The following CTNNA3 variants were observed in gnomAD, a reference collection of about 807,000 sequenced individuals.
CTNNA3 encodes the protein catenin alpha-3.
A neutral mutation model predicts 95.7 loss-of-function variants in CTNNA3; 76 were observed. The ratio of observed to expected loss-of-function variants is 0.79; its 90% CI spans 0.66 to 0.96. The LOEUF (loss-of-function observed/expected upper bound fraction) is 0.96, where lower values mean the gene tolerates loss of function less well. Ranked by LOEUF, CTNNA3 falls within the 40% of genes least tolerant of loss-of-function variation. The pLI is 0.00. For missense variants in CTNNA3, 1,191 were observed against 1,089.8 expected (o/e 1.09, Z -1.31); for synonymous variants, 431 against 374.4 (o/e 1.15, Z -1.74).
At chr10:66,257,050 C>T (rs1247840013) in intron 13 of CTNNA3, among the ~76,000 whole-genome samples, 2 of 152,118 alleles carry the variant, frequency 1.3e-5, no homozygotes, top group African/African-American at 4.8e-5. Context: ...ATCTACCTAA[C>T]AAGGGAGTCC....
At chr10:66,383,609 C>T (rs1343903137) in intron 11 of CTNNA3, among the ~76,000 whole-genome samples, 1 of 152,142 alleles carries the variant, frequency 6.6e-6, no homozygotes, top group East Asian at 1.9e-4. Context: ...CACAAAGATA[C>T]TCCTTGACAA....
At chr10:66,456,423 T>A (rs961851752) in intron 11 of CTNNA3, among the ~76,000 whole-genome samples, 3 of 152,112 alleles carry the variant, frequency 2.0e-5, no homozygotes, top group African/African-American at 7.2e-5. Flanking sequence ...TTGCAACAAA[T>A]GATGTTGGAA....
At chr10:67,642,668 G>C (rs1478379924) in intron 2 of CTNNA3, among the ~76,000 whole-genome samples, 1 of 151,922 alleles carries the variant, frequency 6.6e-6, no homozygotes, top group Non-Finnish European at 1.5e-5. Flanking sequence ...AGTGAGCTGA[G>C]ATCATGCCAC....
chr10:66,978,783 T>C (rs1291567567), intron 7 of CTNNA3, among the ~76,000 whole-genome samples: 1 of 150,086 alleles, frequency 6.7e-6, no homozygotes, highest in African/African-American at 2.4e-5. Context: ...AAAAGTAGCA[T>C]GAAAGCAAGG....
At chr10:66,504,672 C>T (rs1840390610) in intron 11 of CTNNA3, among the ~76,000 whole-genome samples, 1 of 152,096 alleles carries the variant, frequency 6.6e-6, no homozygotes, top group Non-Finnish European at 1.5e-5. Context: ...ACCATATTAA[C>T]GATTTTTCCT....
chr10:66,878,036 A>C (rs1438973766), intron 7 of CTNNA3, among the ~76,000 whole-genome samples: 1 of 152,134 alleles, frequency 6.6e-6, no homozygotes, highest in East Asian at 1.9e-4. Context: ...AATCGTTGGC[A>C]GTTCTTGCCA....
chr10:67,464,926 G>T (rs1847527967), intron 5 of CTNNA3, among the ~76,000 whole-genome samples: 1 of 151,632 alleles, frequency 6.6e-6, no homozygotes, highest in African/African-American at 2.4e-5. Context: ...AGAGGCTTCG[G>T]GGGAGAAAAG....
chr10:67,440,733 C>A (rs2132930632), intron 5 of CTNNA3, among the ~76,000 whole-genome samples: 1 of 152,130 alleles, frequency 6.6e-6, no homozygotes, highest in Middle Eastern at 3.4e-3. Flanking sequence ...ACAAGACCAC[C>A]AAGACTGCAC....
At position 65,919,173 on chromosome 10, in the gene CTNNA3, G is replaced by A. The variant is rs1044801014; in HGVS notation, c.*1157C>T. Reference sequence around the variant, plus strand: ...TCATCAGGGGAGAGAAAAAGAGAGAGAGAATGACAGAGAGAGGTACACTAG... The same window carrying A: ...TCATCAGGGGAGAGAAAAAGAGAGAAAGAATGACAGAGAGAGGTACACTAG... On this transcript the variant is annotated 3_prime_UTR_variant, in exon 18 of 18. Coordinates refer to ENST00000433211, the MANE Select transcript of CTNNA3 (RefSeq NM_013266.4). 3 of 152,082 alleles carry A rather than the reference G, an allele frequency of 2.0e-5. No homozygotes were observed. Among genetic ancestry groups the A allele is most frequent in the African/African-American group, 7.2e-5 (3 of 41,418 alleles). The allele number at this position is 152,082 out of a possible 1,614,324, so 9.4% of individuals were successfully genotyped here.
intron 6 of CTNNA3, among the ~76,000 whole-genome samples, chr10:67,199,649 G>A (rs761780134): frequency 2.0e-5 from 3 of 152,084 alleles, no homozygotes; most frequent in Non-Finnish European, 4.4e-5. Flanking sequence ...GATTACAGAC[G>A]TGAAGGTTTT....
rs2092817783 is a variant in CTNNA3, at chr10:66,379,231, G to A, written c.1653C>T (p.Val551=). The change falls in exon 12 of 18, where the codon GTC becomes GTT. Residue 551 remains valine, a synonymous_variant. Transcript: ENST00000433211. ...RGRAARVAHI[V]TGEMDSYEPG... ...GCTCGTAACTGTCCATTTCACCCGTGACGATGTGAGCAACTCTTGCTGCCC... is the reference window on the plus strand; with the variant it reads ...GCTCGTAACTGTCCATTTCACCCGTAACGATGTGAGCAACTCTTGCTGCCC... 1.9e-6 allele frequency: 3 copies of A among 1,613,954 alleles called. No homozygotes were observed.
chr10:67,338,463 C>T (rs2132606251), intron 5 of CTNNA3, among the ~76,000 whole-genome samples: 1 of 152,250 alleles, frequency 6.6e-6, no homozygotes, highest in South Asian at 2.1e-4. Context: ...CTGGGAATTA[C>T]ATTTCAACAT....
chr10:66,885,828 TTGCAGTTAA>T (rs1219689599), intron 7 of CTNNA3, among the ~76,000 whole-genome samples: 1 of 152,192 alleles, frequency 6.6e-6, no homozygotes, highest in African/African-American at 2.4e-5. Flanking sequence ...ACCTCTGGCA[TTGCAGTTAA>T]TGCTATAAAA....
intron 7 of CTNNA3, among the ~76,000 whole-genome samples, chr10:66,910,855 G>A (rs905729898): frequency 3.9e-5 from 6 of 152,164 alleles, no homozygotes; most frequent in African/African-American, 7.2e-5. Flanking sequence ...ACAATGAGTC[G>A]CTATTTAACC....
At chr10:65,925,262 C>G (rs2077150726) in intron 17 of CTNNA3, among the ~76,000 whole-genome samples, 1 of 148,776 alleles carries the variant, frequency 6.7e-6, no homozygotes. Context: ...TCACTTACAA[C>G]AAATATGAAA....
At chr10:67,503,090 T>C (rs1377376971) in intron 5 of CTNNA3, among the ~76,000 whole-genome samples, 1 of 152,186 alleles carries the variant, frequency 6.6e-6, no homozygotes, top group Non-Finnish European at 1.5e-5. Context: ...CCCACGGCCT[T>C]GGTAGCATAG....
At chr10:66,795,723 C>G (rs1486829162) in intron 7 of CTNNA3, among the ~76,000 whole-genome samples, 1 of 152,140 alleles carries the variant, frequency 6.6e-6, no homozygotes, top group African/African-American at 2.4e-5. Flanking sequence ...ACTATTTTGT[C>G]TACATTGAAA....
chr10:67,667,985 T>G (rs914761378), intron 1 of CTNNA3, among the ~76,000 whole-genome samples: 1 of 152,134 alleles, frequency 6.6e-6, no homozygotes, highest in African/African-American at 2.4e-5. Context: ...ATCCACACAT[T>G]TTGGAATATG....
Position 66,926,838 on chromosome 10 carries a change from G to T in CTNNA3, c.1048-151314C>A, listed in dbSNP as rs943886473. The T allele has an allele frequency of 2.4e-6, 3 of 1,235,960 alleles. No homozygotes were observed. In the African/African-American group the frequency reaches 4.6e-5, roughly 19 times the overall value. The allele number at this position is 1,235,960 out of a possible 1,614,324, so 76.6% of individuals were successfully genotyped here. On this transcript the variant is annotated intron_variant, in intron 7 of 17. Coordinates refer to ENST00000433211, the MANE Select transcript of CTNNA3 (RefSeq NM_013266.4). ...TATTTAGATTTAAATTTTTAAAAATGAAAAATATATGCCTATTTTTGCTTG... is the reference window on the plus strand; with the variant it reads ...TATTTAGATTTAAATTTTTAAAAATTAAAAATATATGCCTATTTTTGCTTG...
Sources: allele counts gnomAD v4.1 joint callset (sites outside exome capture counted in the v4.1 genomes callset), GRCh38; gene constraint gnomAD v4.1.1; transcripts MANE v1.5; gene names NCBI Gene and HGNC (gene_info 2026-07-23, HGNC 2026-07-21).